CNGB1: variants seen among roughly 807,000 people sequenced by gnomAD.
The protein encoded by CNGB1 is cyclic nucleotide gated channel subunit beta 1, also known as cyclic nucleotide-gated channel beta-1.
A neutral mutation model predicts 151.7 loss-of-function variants in CNGB1; 126 were observed. The ratio of observed to expected loss-of-function variants is 0.83; its 90% confidence interval spans 0.72 to 0.96. The LOEUF is 0.96. Ranked by LOEUF, CNGB1 falls within the 40% of genes least tolerant of loss-of-function variation. CNGB1 has a pLI of 0.00. For synonymous variants in CNGB1, 623 were observed against 635.1 expected, an observed-to-expected ratio of 0.98 and a Z score of 0.29; for missense variants, 1,698 against 1,627.0, an observed-to-expected ratio of 1.04 and a Z score of -0.75.
In CNGB1 at chr16:57,957,447, C is replaced by A. The variant is rs1962118555; in HGVS notation, c.838-70G>T. On this transcript the variant is annotated intron_variant, in intron 11 of 32. Transcript: ENST00000251102. ...CACCAGCCTCCCCGTTTCAGCCACA[C>A]CTTCTAGCACGTGACCTTGACCCAC... is the stretch of plus-strand genomic sequence containing the variant. 3 of 1,393,392 alleles carry A rather than the reference C, an allele frequency of 2.2e-6. No individual in the cohort carries two copies. In the East Asian group the frequency reaches 6.9e-5, roughly 32 times the overall value. The allele number at this position is 1,393,392 out of a possible 1,614,324, so 86.3% of individuals were successfully genotyped here.
chr16:57,903,230 A>G (rs1402166891), intron 27 of CNGB1, among the ~76,000 whole-genome samples: 1 of 142,416 alleles, frequency 7.0e-6, no homozygotes, highest in Non-Finnish European at 1.5e-5. Flanking sequence ...TCGGCCTCAC[A>G]CCTGTAATCC....
chr16:57,966,762 C>T (rs949696006), intron 2 of CNGB1, among the ~76,000 whole-genome samples: 4 of 152,142 alleles, frequency 2.6e-5, no homozygotes, highest in East Asian at 1.9e-4. Context: ...CAAATCTAGG[C>T]TATTGCTTGT....
At chr16:57,964,265 T>C in intron 3 of CNGB1, 63 bp from the exon 4 acceptor site, 1 of 1,555,030 alleles carries the variant, frequency 6.4e-7, no homozygotes, top group Non-Finnish European at 8.9e-7. Context: ...CTACCCTGCT[T>C]GGGGAGATCA....
At chr16:57,942,139 C>T (rs1319064978) in intron 14 of CNGB1, among the ~76,000 whole-genome samples, 6 of 152,182 alleles carry the variant, frequency 3.9e-5, no homozygotes, top group Non-Finnish European at 8.8e-5. Context: ...ACCTTGGTCT[C>T]CCAAAGTGCT....
intron 27 of CNGB1, 80 bp from the exon 28 acceptor site, chr16:57,901,705 C>T (rs560974111): frequency 1.6e-4 from 179 of 1,151,626 alleles, no homozygotes; most frequent in Non-Finnish European, 2.2e-4. Flanking sequence ...TGCCCACCTA[C>T]TGGCTCACCA....
In CNGB1 at chr16:57,964,498, G is replaced by C. The variant is rs1200483545; in HGVS notation, c.206C>G (p.Pro69Arg). 3.7e-6 allele frequency: 6 copies of C among 1,614,140 alleles called. No individual in the cohort carries two copies. The highest frequency in any genetic ancestry group is 5.1e-6 in the Non-Finnish European group (6 of 1,180,028). ...FKEEEVAVAD[P>R]SPQETKEAAL... is the part of the protein sequence containing the mutation. ...GCACTCGCACTCACCCTGAGGGCTT[G>C]GGTCTGCCACAGCCACTTCCTCCTC... The change falls in exon 3 of 33, where the codon CCA becomes CGA. Residue 69 changes from proline to arginine, a missense_variant. Physicochemically the swap from Pro to Arg is moderately radical, Grantham distance 103 (BLOSUM62 -2). Coordinates refer to ENST00000251102, the MANE Select transcript of CNGB1 (RefSeq NM_001297.5).
At chr16:57,968,686 A>C (rs1170137322) in intron 1 of CNGB1, among the ~76,000 whole-genome samples, 1 of 152,152 alleles carries the variant, frequency 6.6e-6, no homozygotes, top group African/African-American at 2.4e-5. Flanking sequence ...TGAGTGGAAA[A>C]TCTGTCTTAA....
chr16:57,917,447 C>T lies in CNGB1; in HGVS notation c.1987G>A (p.Val663Met), dbSNP rs771774133. Reference sequence around the variant, plus strand: ...CAGTTCCAATTCCAGGCCATCACCACGAAGAACAGCCATAGGACATACATC... The same window carrying T: ...CAGTTCCAATTCCAGGCCATCACCATGAAGAACAGCCATAGGACATACATC... ...NLMYVLWLFFVVMAWNWNCWL... is the reference protein window; with the variant it reads ...NLMYVLWLFFMVMAWNWNCWL... The change falls in exon 21 of 33, where the codon GTG (valine) becomes ATG (methionine). Residue 663 changes from valine (V) to methionine (M), a missense_variant. By Grantham distance (21) the Val-to-Met change is conservative (BLOSUM62 1). Transcript: ENST00000251102. 32 of 1,613,938 alleles carry T rather than the reference C, an allele frequency of 2.0e-5. No individual in the cohort carries two copies. The highest frequency in any genetic ancestry group is 6.7e-5 in the African/African-American group (5 of 74,876).
At chr16:57,897,301 CAAAAAA>C in intron 31 of CNGB1, 90 bp downstream of exon 31, 3 of 1,051,200 alleles carry the variant, frequency 2.9e-6, no homozygotes, top group Non-Finnish European at 3.9e-6. Context: ...GATGTCATCT[CAAAAAA>C]AAAAAAAAAA....
intron 7 of CNGB1, 112 bp downstream of exon 7, chr16:57,962,453 C>T: frequency 1.1e-6 from 1 of 918,254 alleles, no homozygotes; most frequent in Non-Finnish European, 1.8e-6. Flanking sequence ...AGACGGGAGG[C>T]ATGTCCAAGG....
intron 14 of CNGB1, among the ~76,000 whole-genome samples, chr16:57,948,857 T>C (rs989056920): frequency 7.9e-5 from 12 of 152,142 alleles, no homozygotes; most frequent in Admixed American, 2.0e-4. Flanking sequence ...TATATGGATG[T>C]GGGTGGACGA....
rs1221609988 is a variant in CNGB1, at chr16:57,956,756, G to A, written c.874+585C>T. On this transcript the variant is annotated intron_variant, in intron 12 of 32. Transcript: ENST00000251102. Reference sequence around the variant, plus strand: ...ATGAATGAATGAATGCCTGTCCACCGCATGCCTCTCTAGAGGCCATGAAGT... The same window carrying A: ...ATGAATGAATGAATGCCTGTCCACCACATGCCTCTCTAGAGGCCATGAAGT... 1.3e-5 allele frequency among the ~76,000 whole-genome samples: 2 copies of A among 152,342 alleles called. 1 individual carries two copies. Among genetic ancestry groups the A allele is most frequent in the Non-Finnish European group, 2.9e-5 (2 of 68,028 alleles).
chr16:57,917,583 G>T, intron 20 of CNGB1, 107 bp from the exon 21 acceptor site: 1 of 982,396 alleles, frequency 1.0e-6, no homozygotes, highest in Non-Finnish European at 1.6e-6. Flanking sequence ...TACTACATGT[G>T]GCACTTTTGT....
intron 25 of CNGB1, among the ~76,000 whole-genome samples, chr16:57,909,275 A>AC (rs1232967317): frequency 6.6e-6 from 1 of 152,220 alleles, no homozygotes; most frequent in African/African-American, 2.4e-5. Context: ...GTCTCAAAAA[A>AC]TAGTAACAAT....
rs187491466 is a variant in CNGB1, at chr16:57,890,917, A to G, written c.3243-2843T>C. Among the ~76,000 whole-genome samples, 6 of 152,098 alleles carry G rather than the reference A, an allele frequency of 3.9e-5. No homozygotes were observed. The East Asian group carries it at 1.2e-3, about 29-fold the overall frequency. On this transcript the variant is annotated intron_variant, in intron 31 of 32. Coordinates refer to ENST00000251102, the MANE Select transcript of CNGB1 (RefSeq NM_001297.5). The stretch of plus-strand genomic sequence containing the variant: ...GAGACCCCCATTCCCACGCCCCCCC[A>G]TGTTGCTGTGAGGCCTGTTAGCCCC...
intron 16 of CNGB1, among the ~76,000 whole-genome samples, chr16:57,937,605 C>T (rs1223173157): frequency 2.0e-5 from 3 of 152,222 alleles, no homozygotes; most frequent in East Asian, 1.9e-4. Context: ...CAACCACCGG[C>T]AGCATTTCCC....
intron 16 of CNGB1, chr16:57,937,236 C>A: frequency 6.5e-6 from 1 of 152,758 alleles, no homozygotes. Flanking sequence ...TTTTGGAGGG[C>A]AGAGGCAGAG....
chr16:57,960,459 C>A (rs1425401016), intron 9 of CNGB1, 23 bp downstream of exon 9: 2 of 1,612,028 alleles, frequency 1.2e-6, no homozygotes, highest in Admixed American at 1.7e-5. Context: ...AGGCAGCCCC[C>A]TCCCGAGCTC....
chr16:57,917,622 A>G (rs867194618), intron 20 of CNGB1, 146 bp from the exon 21 acceptor site: 47 of 612,206 alleles, frequency 7.7e-5, no homozygotes, highest in African/African-American at 4.8e-4. Flanking sequence ...GTGTGTGTGT[A>G]TATATACACA....
Sources: gnomAD v4.1 joint callset for allele counts (sites outside exome capture counted in the v4.1 genomes callset) on GRCh38, gnomAD v4.1.1 for gene constraint, MANE v1.5 for transcripts, NCBI Gene and HGNC (gene_info 2026-07-23, HGNC 2026-07-21) for gene names.